ST8SIA2: variants seen among roughly 807,000 people sequenced by gnomAD.
ST8SIA2 encodes the protein ST8 alpha-N-acetyl-neuraminide alpha-2,8-sialyltransferase 2.
ST8SIA2 carries 22 observed loss-of-function variants against 37.6 expected under a neutral mutation model. That is an observed-to-expected ratio of 0.58 (90% CI 0.42 to 0.83). ST8SIA2 has a LOEUF of 0.83. ST8SIA2 is among the 40% of genes least tolerant of loss of function. The pLI, the probability that ST8SIA2 is intolerant of heterozygous loss-of-function variation, is 0.00. For synonymous variants in ST8SIA2, 205 were observed against 201.2 expected, an observed-to-expected ratio of 1.02 and a Z score of -0.16; for missense variants, 382 against 484.7, an observed-to-expected ratio of 0.79 and a Z score of 1.99.
At chr15:92,415,216 T>G (rs1156945307) in intron 1 of ST8SIA2, among the ~76,000 whole-genome samples, 1 of 151,978 alleles carries the variant, frequency 6.6e-6, no homozygotes, top group Non-Finnish European at 1.5e-5. Context: ...TTTCTGAACA[T>G]TACAGGGAGA....
rs116077574 is a variant in ST8SIA2, at chr15:92,425,119, G to A, written c.99-4930G>A. 5.1e-3 allele frequency among the ~76,000 whole-genome samples: 773 copies of A among 152,102 alleles called. 7 individuals are homozygous for A. Among genetic ancestry groups the A allele is most frequent in the African/African-American group, 0.017 (724 of 41,486 alleles). On this transcript the variant is annotated intron_variant, in intron 1 of 5. Transcript: ENST00000268164. ...TATCTTTAGCAAATGTTTCTTACCC[G>A]ATCATCTTCTATCAATCAACCAGGC...
At chr15:92,394,776 G>A (rs949267336) in intron 1 of ST8SIA2, among the ~76,000 whole-genome samples, 1 of 152,294 alleles carries the variant, frequency 6.6e-6, no homozygotes, top group Non-Finnish European at 1.5e-5. Context: ...TAGCTGGACT[G>A]AGACCCCCCG....
At chr15:92,399,222 A>G (rs1394658781) in intron 1 of ST8SIA2, among the ~76,000 whole-genome samples, 2 of 152,214 alleles carry the variant, frequency 1.3e-5, no homozygotes, top group Non-Finnish European at 2.9e-5. Flanking sequence ...CGTGCTGTAT[A>G]TTTGGGCATC....
At chr15:92,406,345 C>G (rs1413286879) in intron 1 of ST8SIA2, among the ~76,000 whole-genome samples, 3 of 152,198 alleles carry the variant, frequency 2.0e-5, no homozygotes, top group Non-Finnish European at 4.4e-5. Flanking sequence ...GTGATGCTGA[C>G]ACTGCTGGCC....
intron 1 of ST8SIA2, among the ~76,000 whole-genome samples, chr15:92,425,098 T>G (rs2049666040): frequency 6.6e-6 from 1 of 152,172 alleles, no homozygotes; most frequent in Non-Finnish European, 1.5e-5. Context: ...ATAAATTATC[T>G]TTAGCAAATG....
rs140729433 is a variant in ST8SIA2 at position 92,432,901 on chromosome 15, G to T, written c.162-1346G>T. Reference sequence around the variant, plus strand: ...AATCTCAGCACTTTGGGAGACCGAGGCAGGCAAATCTCCTGAGGTCAGGAG... The same window carrying T: ...AATCTCAGCACTTTGGGAGACCGAGTCAGGCAAATCTCCTGAGGTCAGGAG... On this transcript the variant is annotated intron_variant, in intron 2 of 5. Coordinates refer to ENST00000268164, the MANE Select transcript of ST8SIA2 (RefSeq NM_006011.4). Among the ~76,000 whole-genome samples the T allele has an allele frequency of 2.1e-3, 326 of 152,250 alleles. 2 individuals carry two copies. Among genetic ancestry groups the T allele is most frequent in the African/African-American group, 7.5e-3 (312 of 41,546 alleles).
chr15:92,447,691 G>C (rs1432119573), intron 5 of ST8SIA2, among the ~76,000 whole-genome samples: 1 of 152,208 alleles, frequency 6.6e-6, no homozygotes, highest in Non-Finnish European at 1.5e-5. Context: ...GGTATCAACA[G>C]GGAAAACCCA....
At chr15:92,412,124 G>T (rs1187279154) in intron 1 of ST8SIA2, among the ~76,000 whole-genome samples, 2 of 152,166 alleles carry the variant, frequency 1.3e-5, no homozygotes, top group African/African-American at 4.8e-5. Flanking sequence ...CCAAAGAGAG[G>T]TCTCTGATAA....
rs116247779 is a variant in ST8SIA2, at chr15:92,427,395, G to A, written c.99-2654G>A. ...TAATATTACTCAAAATATTTTTGTT[G>A]AATGAATAAGAAAAAAATAACTTAG... is the stretch of plus-strand genomic sequence containing the variant. On this transcript the variant is annotated intron_variant, in intron 1 of 5. Transcript: ENST00000268164. 3.0e-3 allele frequency among the ~76,000 whole-genome samples: 456 copies of A among 151,716 alleles called. 2 individuals are homozygous for A. Among genetic ancestry groups the A allele is most frequent in the African/African-American group, 0.011 (440 of 41,336 alleles).
chr15:92,421,943 T>C (rs1436831307), intron 1 of ST8SIA2, among the ~76,000 whole-genome samples: 1 of 152,228 alleles, frequency 6.6e-6, no homozygotes, highest in African/African-American at 2.4e-5. Context: ...TTACCAGGCC[T>C]AGTGAAGTTT....
intron 5 of ST8SIA2, among the ~76,000 whole-genome samples, chr15:92,454,113 C>T (rs1357514035): frequency 2.0e-5 from 3 of 152,176 alleles, no homozygotes; most frequent in Non-Finnish European, 2.9e-5. Flanking sequence ...ACCGTAACAG[C>T]GTCTCACAGA....
At chr15:92,456,401 G>T (rs1204474728) in intron 5 of ST8SIA2, among the ~76,000 whole-genome samples, 1 of 152,182 alleles carries the variant, frequency 6.6e-6, no homozygotes, top group Non-Finnish European at 1.5e-5. Context: ...GATTTGTGAG[G>T]TGCCCACTTT....
rs1422400984 is a variant in ST8SIA2 at position 92,394,013 on chromosome 15, G to A, written c.-52G>A. 4.2e-6 allele frequency: 6 copies of A among 1,440,086 alleles called. No individual in the cohort carries two copies. The highest frequency in any genetic ancestry group is 2.1e-5 in the Admixed American group (1 of 47,762). The allele number at this position is 1,440,086 out of a possible 1,614,324, so 89.2% of individuals were successfully genotyped here. ...CCGGCGTCCGCCGCTGCGCCCTCCG[G>A]CCCCTGCTCCTCGCGCCGGCCCGCG... On this transcript the variant is annotated 5_prime_UTR_variant, in exon 1 of 6. Coordinates refer to ENST00000268164, the MANE Select transcript of ST8SIA2 (RefSeq NM_006011.4).
intron 5 of ST8SIA2, among the ~76,000 whole-genome samples, chr15:92,457,185 C>A (rs574597818): frequency 6.6e-6 from 1 of 152,318 alleles, no homozygotes; most frequent in Admixed American, 6.5e-5. Context: ...ATCACTGAGT[C>A]TCCCTTGATG....
In ST8SIA2 at chr15:92,450,338, C is replaced by T. The variant is rs139361034; in HGVS notation, c.842+5409C>T. 3.3e-4 allele frequency among the ~76,000 whole-genome samples: 51 copies of T among 152,258 alleles called. No homozygotes were observed. The East Asian group carries it at 4.1e-3, about 12-fold the overall frequency. On this transcript the variant is annotated intron_variant, in intron 5 of 5. Transcript: ENST00000268164. ...AAAATATACAAATGGCCAATAAGTA[C>T]GTGGCAAGATGCTCCGCTGATCATG...
chr15:92,460,651 C>A (rs1276477692), intron 5 of ST8SIA2, among the ~76,000 whole-genome samples: 1 of 152,216 alleles, frequency 6.6e-6, no homozygotes, highest in African/African-American at 2.4e-5. Flanking sequence ...TCAAACATCC[C>A]CGAGCCAGCA....
intron 1 of ST8SIA2, among the ~76,000 whole-genome samples, chr15:92,401,507 C>G (rs2049471350): frequency 6.6e-6 from 1 of 152,194 alleles, no homozygotes; most frequent in Admixed American, 6.5e-5. Flanking sequence ...GAGGAAACGG[C>G]TCCAACTGGG....
At chr15:92,414,719 A>T (rs1006933614) in intron 1 of ST8SIA2, among the ~76,000 whole-genome samples, 4 of 152,222 alleles carry the variant, frequency 2.6e-5, no homozygotes, top group African/African-American at 7.2e-5. Flanking sequence ...GGTTCTTCTC[A>T]TGCTTGCATC....
chr15:92,411,286 G>A (rs764804624), intron 1 of ST8SIA2, among the ~76,000 whole-genome samples: 1 of 152,196 alleles, frequency 6.6e-6, no homozygotes, highest in African/African-American at 2.4e-5. Flanking sequence ...TTGACCAAAG[G>A]TATGTGCAGA....
Sources: gnomAD v4.1 joint callset for allele counts (sites outside exome capture counted in the v4.1 genomes callset) on GRCh38, gnomAD v4.1.1 for gene constraint, MANE v1.5 for transcripts, NCBI Gene and HGNC (gene_info 2026-07-23, HGNC 2026-07-21) for gene names.